DCC: variants seen among roughly 807,000 people sequenced by gnomAD.
The protein encoded by DCC is DCC netrin 1 receptor.
DCC carries 58 observed loss-of-function variants against 172.5 expected under a neutral mutation model. That is an observed-to-expected ratio of 0.34 (90% CI 0.27 to 0.42). The LOEUF is 0.42. Ranked by LOEUF, DCC falls within the 10% of genes least tolerant of loss-of-function variation. DCC has a pLI of 1.00. For synonymous variants in DCC, 709 were observed against 644.5 expected, an observed-to-expected ratio of 1.10 and a Z score of -1.52; for missense variants, 1,740 against 1,791.0, an observed-to-expected ratio of 0.97 and a Z score of 0.51.
At chr18:52,836,350 T>G (rs1262182187) in intron 2 of DCC, among the ~76,000 whole-genome samples, 1 of 152,232 alleles carries the variant, frequency 6.6e-6, no homozygotes, top group East Asian at 1.9e-4. Flanking sequence ...TAACTCATTT[T>G]AACATTAACT....
intron 2 of DCC, among the ~76,000 whole-genome samples, chr18:52,857,396 G>A (rs1401697030): frequency 6.6e-6 from 1 of 151,924 alleles, no homozygotes; most frequent in Non-Finnish European, 1.5e-5. Flanking sequence ...CTTAACTAGG[G>A]AAAAAAAGTT....
chr18:52,753,727 C>G (rs763726608), intron 2 of DCC, among the ~76,000 whole-genome samples: 11 of 152,210 alleles, frequency 7.2e-5, no homozygotes, highest in South Asian at 6.2e-4. Context: ...CATGTAGACT[C>G]TGAAAAAATG....
At chr18:52,585,540 T>C (rs2033649089) in intron 1 of DCC, among the ~76,000 whole-genome samples, 1 of 152,180 alleles carries the variant, frequency 6.6e-6, no homozygotes, top group Non-Finnish European at 1.5e-5. Context: ...AATCTTTAGA[T>C]TGGTTTCCAG....
intron 5 of DCC, among the ~76,000 whole-genome samples, chr18:52,932,403 A>G (rs1041100591): frequency 3.3e-5 from 5 of 152,144 alleles, no homozygotes; most frequent in Admixed American, 1.3e-4. Context: ...GCAGAAATGC[A>G]TAATTTAAAA....
At chr18:52,587,436 G>A (rs150139599) in intron 1 of DCC, among the ~76,000 whole-genome samples, 3 of 152,304 alleles carry the variant, frequency 2.0e-5, no homozygotes, top group Non-Finnish European at 2.9e-5. Context: ...AAGGTTGCCC[G>A]TTGGTGAGCA....
At position 52,923,691 on chromosome 18, in the gene DCC, T is replaced by C; in HGVS notation, c.698-16T>C. ...GTTTTTCATATATCATATGATACTG[T>C]GTTTTCCCCTCATAGATCCAGGACT... On this transcript the variant is annotated splice_polypyrimidine_tract_variant and intron_variant, in intron 3 of 28. Coordinates refer to ENST00000442544, the MANE Select transcript of DCC (RefSeq NM_005215.4). The C allele has an allele frequency of 1.3e-6, 2 of 1,578,430 alleles. No individual in the cohort carries two copies.
At chr18:52,434,809 A>T (rs1473142869) in intron 1 of DCC, among the ~76,000 whole-genome samples, 1 of 150,948 alleles carries the variant, frequency 6.6e-6, no homozygotes, top group Non-Finnish European at 1.5e-5. Context: ...ACTGCCCCAC[A>T]CCTCCCCACG....
chr18:53,321,051 A>G (rs981818082), intron 13 of DCC, among the ~76,000 whole-genome samples: 13 of 152,214 alleles, frequency 8.5e-5, no homozygotes, highest in Non-Finnish European at 1.6e-4. Context: ...TCCTATTAGT[A>G]GTAAGTTTGA....
At chr18:52,625,313 G>A (rs990071101) in intron 1 of DCC, among the ~76,000 whole-genome samples, 1 of 151,986 alleles carries the variant, frequency 6.6e-6, no homozygotes, top group Non-Finnish European at 1.5e-5. Flanking sequence ...TCTCTAAATT[G>A]TTAGGCTGTG....
intron 1 of DCC, among the ~76,000 whole-genome samples, chr18:52,415,720 A>ATTC (rs1986999140): frequency 6.6e-6 from 1 of 152,040 alleles, no homozygotes; most frequent in Non-Finnish European, 1.5e-5. Context: ...TGAAACGTGA[A>ATTC]GCCTGTTTAT....
intron 12 of DCC, among the ~76,000 whole-genome samples, chr18:53,303,197 C>A (rs1422245332): frequency 6.6e-6 from 1 of 152,110 alleles, no homozygotes; most frequent in Admixed American, 6.5e-5. Context: ...TGAGAGATTT[C>A]TTTTAATTCA....
chr18:52,709,056 A>G (rs1394680115), intron 1 of DCC, among the ~76,000 whole-genome samples: 1 of 152,096 alleles, frequency 6.6e-6, no homozygotes, highest in Admixed American at 6.6e-5. Flanking sequence ...CGCTACCTCC[A>G]TCCCTATCTT....
At chr18:53,368,589 A>G (rs981207776) in intron 15 of DCC, among the ~76,000 whole-genome samples, 5 of 151,998 alleles carry the variant, frequency 3.3e-5, no homozygotes, top group African/African-American at 4.8e-5. Context: ...TGACATTTAA[A>G]TCTTTTACCA....
intron 8 of DCC, among the ~76,000 whole-genome samples, chr18:53,160,896 C>T (rs1345460392): frequency 6.6e-6 from 1 of 152,238 alleles, no homozygotes; most frequent in Non-Finnish European, 1.5e-5. Flanking sequence ...CTCAAATTTC[C>T]ATAAAACAAC....
chr18:53,512,402 G>A (rs954500951), intron 27 of DCC, among the ~76,000 whole-genome samples: 43 of 151,392 alleles, frequency 2.8e-4, no homozygotes, highest in East Asian at 7.8e-4. Context: ...AAAGCAGAGC[G>A]CCTCTCCTCC....
At chr18:53,412,936 A>G (rs562495905) in intron 20 of DCC, among the ~76,000 whole-genome samples, 1 of 152,180 alleles carries the variant, frequency 6.6e-6, no homozygotes, top group East Asian at 1.9e-4. Flanking sequence ...ATGTTAATTA[A>G]AAGAATCTTG....
chr18:52,632,595 TA>T (rs1417712602), intron 1 of DCC, among the ~76,000 whole-genome samples: 1 of 152,216 alleles, frequency 6.6e-6, no homozygotes, highest in Non-Finnish European at 1.5e-5. Context: ...CTGGACTCAC[TA>T]GTCATTTCAT....
chr18:52,945,902 A>G (rs1372428559), intron 5 of DCC, among the ~76,000 whole-genome samples: 1 of 152,226 alleles, frequency 6.6e-6, no homozygotes, highest in Admixed American at 6.5e-5. Flanking sequence ...AATCATCTGA[A>G]TTCCTCTGGA....
chr18:52,736,790 A>G (rs977300297), intron 1 of DCC, among the ~76,000 whole-genome samples: 2 of 152,154 alleles, frequency 1.3e-5, no homozygotes, highest in African/African-American at 4.8e-5. Context: ...AAAGAGCTAC[A>G]GGTATTAGGA....
Sources: allele counts gnomAD v4.1 joint callset (sites outside exome capture counted in the v4.1 genomes callset), GRCh38; gene constraint gnomAD v4.1.1; transcripts MANE v1.5; gene names NCBI Gene and HGNC (gene_info 2026-07-23, HGNC 2026-07-21).